PHF20L1: variants seen among roughly 807,000 people sequenced by gnomAD.
PHF20L1 encodes the protein PHD finger protein 20-like protein 1.
PHF20L1 carries 44 observed loss-of-function variants against 125.5 expected under a neutral mutation model. That is an observed-to-expected ratio of 0.35 (90% CI 0.28 to 0.45). The LOEUF is 0.45. Ranked by LOEUF, PHF20L1 falls within the 20% of genes least tolerant of loss-of-function variation. The probability of loss-of-function intolerance (pLI) is 1.00; values close to 1 mark genes in which losing one functional copy is unlikely to be tolerated. For synonymous variants in PHF20L1, 380 were observed against 403.1 expected (o/e 0.94, Z 0.69); for missense variants, 1,012 against 1,217.2 (o/e 0.83, Z 2.51).
intron 2 of PHF20L1, among the ~76,000 whole-genome samples, chr8:132,786,694 A>G (rs1041663588): frequency 6.6e-6 from 1 of 152,120 alleles, no homozygotes; most frequent in Non-Finnish European, 1.5e-5. Context: ...TGAGCAAGTT[A>G]CTGAATCTTT....
chr8:132,796,076 G>A (rs2131471978), intron 4 of PHF20L1, among the ~76,000 whole-genome samples: 1 of 152,164 alleles, frequency 6.6e-6, no homozygotes, highest in Middle Eastern at 3.4e-3. Flanking sequence ...TGGCAAGAAG[G>A]GCATTTAATC....
In PHF20L1 at chr8:132,832,471, T is replaced by C. The variant is rs984642589; in HGVS notation, c.1909+72T>C. Reference sequence around the variant, plus strand: ...ATGTGTAACTGAGAATAAAACGTACTCTGTTAAGAGCATGCGATTTAAAAA... The same window carrying C: ...ATGTGTAACTGAGAATAAAACGTACCCTGTTAAGAGCATGCGATTTAAAAA... On this transcript the variant is annotated intron_variant, in intron 15 of 20. Transcript: ENST00000395386. 2.2e-5 allele frequency: 24 copies of C among 1,110,290 alleles called. No homozygotes were observed. The African/African-American group carries it at 3.6e-4, about 16-fold the overall frequency. 68.8% of individuals were successfully genotyped at this position (1,110,290 alleles called of 1,614,324 possible).
At position 132,786,534 on chromosome 8, in the gene PHF20L1, G is replaced by A. The variant is rs189956288; in HGVS notation, c.84-7876G>A. ...TCTGTTTTTAATACATCTTTGGTAA[G>A]AGCCCCCTATATTGAAACACTGCCA... On this transcript the variant is annotated intron_variant, in intron 2 of 20. Transcript: ENST00000395386. 3.3e-5 allele frequency among the ~76,000 whole-genome samples: 5 copies of A among 152,134 alleles called. No individual in the cohort carries two copies. In the East Asian group the frequency reaches 9.6e-4, roughly 29 times the overall value.
At chr8:132,839,114 A>G (rs1837668274) in intron 17 of PHF20L1, 3 of 360,120 alleles carry the variant, frequency 8.3e-6, no homozygotes, top group Admixed American at 8.1e-5. Context: ...ACTACAAAAC[A>G]TTGAAAGCAG....
intron 2 of PHF20L1, chr8:132,788,994 T>G (rs1831369309): frequency 6.6e-6 from 1 of 152,172 alleles, no homozygotes; most frequent in Admixed American, 6.5e-5. Flanking sequence ...TCTCCTGATC[T>G]AGTGGGTGAG....
intron 12 of PHF20L1, among the ~76,000 whole-genome samples, chr8:132,820,055 A>G (rs1424673693): frequency 6.6e-6 from 1 of 151,898 alleles, no homozygotes; most frequent in Non-Finnish European, 1.5e-5. Context: ...GAGATAATGA[A>G]CTTGCAATAA....
At chr8:132,798,032 T>C (rs1437467319) in intron 4 of PHF20L1, among the ~76,000 whole-genome samples, 1 of 152,044 alleles carries the variant, frequency 6.6e-6, no homozygotes, top group East Asian at 1.9e-4. Flanking sequence ...GCATGGGGTC[T>C]GTAACAAAAA....
At chr8:132,797,749 C>T (rs1832576447) in intron 4 of PHF20L1, among the ~76,000 whole-genome samples, 1 of 151,696 alleles carries the variant, frequency 6.6e-6, no homozygotes, top group South Asian at 2.1e-4. Context: ...TGGTGTTATT[C>T]AGAGTACCCA....
intron 1 of PHF20L1, among the ~76,000 whole-genome samples, chr8:132,776,359 C>G (rs1253298692): frequency 1.3e-5 from 2 of 152,144 alleles, no homozygotes; most frequent in African/African-American, 4.8e-5. Flanking sequence ...TGAATTCTTC[C>G]TGTGACAGAC....
chr8:132,794,650 G>A, intron 3 of PHF20L1, 69 bp downstream of exon 3: 1 of 1,493,994 alleles, frequency 6.7e-7, no homozygotes, highest in South Asian at 1.2e-5. Flanking sequence ...AAAGGATTCT[G>A]TTAAATTATA....
chr8:132,816,054 C>T (rs1834943350), intron 10 of PHF20L1: 1 of 151,826 alleles, frequency 6.6e-6, no homozygotes, highest in Admixed American at 6.6e-5. Flanking sequence ...ACCCAAACAT[C>T]AATGTCTTTA....
chr8:132,812,416 G>T, intron 9 of PHF20L1: 1 of 985,046 alleles, frequency 1.0e-6, no homozygotes, highest in Non-Finnish European at 1.2e-6. Context: ...GGCAGTACCC[G>T]TCTTAGAGAG....
intron 14 of PHF20L1, among the ~76,000 whole-genome samples, chr8:132,831,701 C>T (rs554797920): frequency 3.5e-4 from 53 of 151,830 alleles, no homozygotes. Context: ...TTGCACCAAC[C>T]GAATAAGTTC....
At chr8:132,836,772 C>A in intron 16 of PHF20L1, 51 bp downstream of exon 16, 1 of 1,271,938 alleles carries the variant, frequency 7.9e-7, no homozygotes, top group South Asian at 1.3e-5. Flanking sequence ...TTCAGGTGCT[C>A]AGCAAATGCA....
rs1834409320 is a variant in PHF20L1, at chr8:132,811,693, A to AT, written c.930+569dup. The AT allele has an allele frequency of 4.1e-6, 4 of 985,276 alleles. No individual in the cohort carries two copies. In the South Asian group the frequency reaches 1.4e-4, roughly 35 times the overall value. The allele number at this position is 985,276 out of a possible 1,614,324, so 61.0% of individuals were successfully genotyped here. ...TAAAAGTGAAGGTTGCAGTTGCTAG[A>AT]TTTTGCCTTGGCTACCTTCAGATTC... On this transcript the variant is annotated intron_variant, in intron 9 of 20. Coordinates refer to ENST00000395386, the MANE Select transcript of PHF20L1 (RefSeq NM_016018.5).
At position 132,845,764 on chromosome 8, in the gene PHF20L1, C is replaced by T. The variant is rs756201; in HGVS notation, c.2912-17C>T. The T allele has an allele frequency of 0.43, 670,114 of 1,568,198 alleles. 145,501 individuals are homozygous for T. The highest frequency in any genetic ancestry group is 0.52 in the African/African-American group (38,043 of 73,704). Reference sequence around the variant, plus strand: ...CCAGTTGCAGTTTAAATTTGTTTATCTTCTTCTCTCTTTTAGTTCTGGAAA... The same window carrying T: ...CCAGTTGCAGTTTAAATTTGTTTATTTTCTTCTCTCTTTTAGTTCTGGAAA... On this transcript the variant is annotated splice_polypyrimidine_tract_variant and intron_variant, in intron 20 of 20. Transcript: ENST00000395386.
intron 1 of PHF20L1, among the ~76,000 whole-genome samples, chr8:132,775,981 T>C (rs1185912037): frequency 6.6e-6 from 1 of 152,202 alleles, no homozygotes; most frequent in East Asian, 1.9e-4. Context: ...TGCTTTACAT[T>C]GTCGGTCTCT....
At chr8:132,830,516 T>A (rs1408483444) in intron 14 of PHF20L1, among the ~76,000 whole-genome samples, 1 of 152,034 alleles carries the variant, frequency 6.6e-6, no homozygotes, top group African/African-American at 2.4e-5. Context: ...ACTTTTCCAC[T>A]CTCTGTCTTT....
chr8:132,775,873 C>T (rs1406234599), intron 1 of PHF20L1, among the ~76,000 whole-genome samples: 1 of 152,194 alleles, frequency 6.6e-6, no homozygotes, highest in African/African-American at 2.4e-5. Flanking sequence ...CAGCTCCCTG[C>T]CAGCCCTGTC....
Sources: allele counts gnomAD v4.1 joint callset (sites outside exome capture counted in the v4.1 genomes callset), GRCh38; gene constraint gnomAD v4.1.1; transcripts MANE v1.5; gene names NCBI Gene and HGNC (gene_info 2026-07-23, HGNC 2026-07-21).